Variants in CPM observed in about 807,000 individuals in gnomAD.
The protein encoded by CPM is renal carboxypeptidase.
In CPM, 35 loss-of-function variants were observed where a neutral mutation model predicts 46.4. The observed-to-expected ratio is 0.75, with a 90% CI of 0.58 to 1.00. CPM has a LOEUF of 1.00. Ranked by LOEUF, CPM falls within the 50% of genes least tolerant of loss-of-function variation. CPM has a pLI of 0.00. For missense variants in CPM, 422 were observed against 530.4 expected, an observed-to-expected ratio of 0.80 and a Z score of 2.01; for synonymous variants, 195 against 195.3, an observed-to-expected ratio of 1.00 and a Z score of 0.01.
Position 68,859,080 on chromosome 12 carries a change from C to A in CPM, c.941-9G>T. ...AACTTGACCCTTTACACCTGCAAGA[C>A]AAAAATAAAATTAAATATTAATACC... is the stretch of plus-strand genomic sequence containing the variant. On this transcript the variant is annotated splice_polypyrimidine_tract_variant and intron_variant, in intron 7 of 8. Coordinates refer to ENST00000551568, the MANE Select transcript of CPM (RefSeq NM_198320.5). The A allele has an allele frequency of 2.1e-6, 3 of 1,435,928 alleles. No homozygotes were observed. Among genetic ancestry groups the A allele is most frequent in the East Asian group, 2.5e-5 (1 of 39,248 alleles). The allele number at this position is 1,435,928 out of a possible 1,614,324, so 88.9% of individuals were successfully genotyped here.
At chr12:68,880,166 T>G (rs2136243752) in intron 3 of CPM, among the ~76,000 whole-genome samples, 1 of 152,160 alleles carries the variant, frequency 6.6e-6, no homozygotes. Context: ...TTGCGTAAAT[T>G]AAACCTAGAA....
intron 2 of CPM, among the ~76,000 whole-genome samples, chr12:68,887,609 T>C (rs976204716): frequency 2.0e-5 from 3 of 152,190 alleles, no homozygotes; most frequent in African/African-American, 7.2e-5. Flanking sequence ...TATTCATACA[T>C]CTATTTAATG....
upstream of CPM, among the ~76,000 whole-genome samples, chr12:68,933,951 A>G (rs566894884): frequency 2.6e-5 from 4 of 152,302 alleles, no homozygotes; most frequent in South Asian, 8.3e-4. Flanking sequence ...CTCTCGTCCT[A>G]AAACGTCCTA....
At chr12:68,893,756 G>A (rs775002126) in intron 2 of CPM, among the ~76,000 whole-genome samples, 21 of 152,294 alleles carry the variant, frequency 1.4e-4, no homozygotes, top group Non-Finnish European at 2.6e-4. Flanking sequence ...GGAATTTCCC[G>A]TTGCACAGAT....
At chr12:68,951,136 T>C (rs1286933134) in intron 1 of CPM, among the ~76,000 whole-genome samples, 11 of 152,238 alleles carry the variant, frequency 7.2e-5, no homozygotes, top group Non-Finnish European at 5.9e-5. Flanking sequence ...CTGTGTGATC[T>C]TAGGAAACTC....
intron 2 of CPM, among the ~76,000 whole-genome samples, chr12:68,888,826 T>C (rs546088398): frequency 6.6e-4 from 101 of 152,320 alleles, no homozygotes; most frequent in South Asian, 3.7e-3. Flanking sequence ...GGCTGTGACA[T>C]GGGTGCATAA....
At chr12:68,962,132 G>A (rs529643056) in intron 1 of CPM, among the ~76,000 whole-genome samples, 10 of 151,376 alleles carry the variant, frequency 6.6e-5, no homozygotes, top group South Asian at 2.1e-4. Flanking sequence ...CCTGGGAGGC[G>A]GAGCTTGCAG....
intron 5 of CPM, chr12:68,845,203 TATAAA>T (rs869071116): frequency 4.6e-6 from 1 of 217,334 alleles, no homozygotes; most frequent in Admixed American, 5.8e-5. Context: ...ATTTGATACT[TATAAA>T]AAGAAAAAGT....
rs59366545 is a variant in CPM at position 68,876,893 on chromosome 12, C to CGT, written c.259-4939_259-4938dup. The stretch of plus-strand genomic sequence containing the variant: ...GTGTGTGTGTGTGTGCACGCGCATG[C>CGT]GTGTGTGTGTGTGTGTGTGTGTGTG... On this transcript the variant is annotated intron_variant, in intron 3 of 8. Transcript: ENST00000551568. Among the ~76,000 whole-genome samples the CGT allele has an allele frequency of 6.7e-3, 993 of 148,340 alleles. 9 individuals are homozygous for CGT. Among genetic ancestry groups the CGT allele is most frequent in the African/African-American group, 0.011 (435 of 40,078 alleles).
chr12:68,909,347 T>G (rs1185231544), intron 2 of CPM, among the ~76,000 whole-genome samples: 1 of 152,168 alleles, frequency 6.6e-6, no homozygotes, highest in African/African-American at 2.4e-5. Flanking sequence ...ACCACCATGC[T>G]CAGTGAAAAT....
chr12:68,916,720 C>G (rs112468195), intron 2 of CPM, among the ~76,000 whole-genome samples: 1 of 151,950 alleles, frequency 6.6e-6, no homozygotes, highest in Non-Finnish European at 1.5e-5. Context: ...GAAACCCCAT[C>G]TCTACTATAA....
At position 68,866,892 on chromosome 12, in the gene CPM, A is replaced by G; in HGVS notation, c.940+4T>C. The G allele has an allele frequency of 6.2e-7, 1 of 1,608,078 alleles. No homozygotes were observed. The highest frequency in any genetic ancestry group is 8.5e-7 in the Non-Finnish European group (1 of 1,178,046). Reference sequence around the variant, plus strand: ...TAGGGAATTAATAAGAAAATTTTACAAACCTAGGTGCACCTGCTTTATATA... The same window carrying G: ...TAGGGAATTAATAAGAAAATTTTACGAACCTAGGTGCACCTGCTTTATATA... On this transcript the variant is annotated splice_donor_region_variant and intron_variant, in intron 7 of 8. Coordinates refer to ENST00000551568, the MANE Select transcript of CPM (RefSeq NM_198320.5).
chr12:68,915,534 A>G (rs951145116), intron 2 of CPM, among the ~76,000 whole-genome samples: 2 of 152,194 alleles, frequency 1.3e-5, no homozygotes, highest in Non-Finnish European at 1.5e-5. Context: ...AGCCTCCCTG[A>G]TAAGCCTTTC....
rs1472050798 is a variant in CPM, at chr12:68,918,492, TC to T, written c.160+14185del. ...TGATTTCATCCCAAATCTGTCCTCT[TC>T]CAGTTTTGTCCATCTAACATAAGAA... On this transcript the variant is annotated intron_variant, in intron 2 of 8. Coordinates refer to ENST00000551568, the MANE Select transcript of CPM (RefSeq NM_198320.5). Among the ~76,000 whole-genome samples the T allele has an allele frequency of 2.6e-5, 4 of 152,182 alleles. No homozygotes were observed. The East Asian group carries it at 7.7e-4, about 29-fold the overall frequency.
At chr12:68,913,987 T>C (rs1214977054) in intron 2 of CPM, 2 of 720,496 alleles carry the variant, frequency 2.8e-6, no homozygotes, top group African/African-American at 1.7e-5. Flanking sequence ...TACACAGATA[T>C]TATTATCAAA....
At chr12:68,845,351 C>T (rs570934539) in intron 5 of CPM, 211 of 212,166 alleles carry the variant, frequency 9.9e-4, no homozygotes, top group Non-Finnish European at 1.6e-3. Context: ...CTGAAAGCAC[C>T]AGCACTTGGA....
chr12:68,953,243 T>C (rs35338244), intron 1 of CPM, among the ~76,000 whole-genome samples: 52,325 of 151,808 alleles, frequency 0.34, 10,582 homozygotes, highest in East Asian at 0.55. Flanking sequence ...GGTATGTTTT[T>C]TCTCTCTCTT....
chr12:68,929,327 A>G (rs1356682396), intron 2 of CPM, among the ~76,000 whole-genome samples: 1 of 152,118 alleles, frequency 6.6e-6, no homozygotes. Flanking sequence ...ATAAATAGAT[A>G]TAGATTATTG....
chr12:68,953,969 C>G (rs1888974749), intron 1 of CPM, among the ~76,000 whole-genome samples: 1 of 152,140 alleles, frequency 6.6e-6, no homozygotes, highest in South Asian at 2.1e-4. Flanking sequence ...ATCCATCAGG[C>G]GTGAGTTATT....
Sources: gnomAD v4.1 joint callset for allele counts (sites outside exome capture counted in the v4.1 genomes callset) on GRCh38, gnomAD v4.1.1 for gene constraint, MANE v1.5 for transcripts, NCBI Gene and HGNC (gene_info 2026-07-23, HGNC 2026-07-21) for gene names.